PARD3B: variants seen among roughly 807,000 people sequenced by gnomAD.
PARD3B encodes the protein par-3 family cell polarity regulator beta, also known as partitioning defective 3 homolog B.
A neutral mutation model predicts 130.2 loss-of-function variants in PARD3B; 103 were observed. That is an observed-to-expected ratio of 0.79 (90% CI 0.67 to 0.93). The LOEUF is 0.93. Ranked by LOEUF, PARD3B falls within the 40% of genes least tolerant of loss-of-function variation. The probability of loss-of-function intolerance (pLI) is 0.00; values close to 1 mark genes in which losing one functional copy is unlikely to be tolerated. For synonymous variants in PARD3B, 583 were observed against 553.2 expected, an observed-to-expected ratio of 1.05 and a Z score of -0.76; for missense variants, 1,609 against 1,499.2, an observed-to-expected ratio of 1.07 and a Z score of -1.21.
intron 2 of PARD3B, among the ~76,000 whole-genome samples, chr2:204,850,370 A>G (rs1026443635): frequency 1.3e-5 from 2 of 152,140 alleles, no homozygotes. Flanking sequence ...TATTTTGCAG[A>G]AAGTAAACCT....
At position 204,821,321 on chromosome 2, in the gene PARD3B, C is replaced by G. The variant is rs1436374592; in HGVS notation, c.222+135039C>G. 2.0e-5 allele frequency among the ~76,000 whole-genome samples: 3 copies of G among 152,070 alleles called. No individual in the cohort carries two copies. In the South Asian group the frequency reaches 6.2e-4, roughly 32 times the overall value. ...AACCCAAATGTCCAACAATGATAGACTGGATTAAGAAAATGTGGCAAACAT... is the reference window on the plus strand; with the variant it reads ...AACCCAAATGTCCAACAATGATAGAGTGGATTAAGAAAATGTGGCAAACAT... On this transcript the variant is annotated intron_variant, in intron 2 of 22. Coordinates refer to ENST00000406610, the MANE Select transcript of PARD3B (RefSeq NM_001302769.2).
intron 6 of PARD3B, among the ~76,000 whole-genome samples, chr2:205,114,360 A>G (rs548280647): frequency 6.6e-6 from 1 of 152,290 alleles, no homozygotes; most frequent in South Asian, 2.1e-4. Flanking sequence ...CACATTTAGC[A>G]CTAGATTGAT....
intron 3 of PARD3B, among the ~76,000 whole-genome samples, chr2:205,034,160 T>C (rs568019263): frequency 1.3e-5 from 2 of 152,288 alleles, no homozygotes; most frequent in South Asian, 4.1e-4. Flanking sequence ...TTTCATACTC[T>C]AAAGATTACT....
chr2:204,550,975 T>C (rs1322998390), intron 1 of PARD3B, among the ~76,000 whole-genome samples: 3 of 152,238 alleles, frequency 2.0e-5, no homozygotes, highest in African/African-American at 4.8e-5. Flanking sequence ...TGCTTTTCAA[T>C]TGATTGGGCA....
intron 15 of PARD3B, among the ~76,000 whole-genome samples, chr2:205,203,257 G>C (rs1392032848): frequency 6.6e-6 from 1 of 152,040 alleles, no homozygotes; most frequent in African/African-American, 2.4e-5. Flanking sequence ...TTGGTCAATG[G>C]AAAAACTGCC....
intron 3 of PARD3B, among the ~76,000 whole-genome samples, chr2:205,045,128 T>TA (rs1698684897): frequency 6.7e-6 from 1 of 150,014 alleles, no homozygotes; most frequent in South Asian, 2.1e-4. Flanking sequence ...TTTTTTTTTT[T>TA]ATGTTTCAAA....
intron 1 of PARD3B, among the ~76,000 whole-genome samples, chr2:204,656,724 C>A (rs948792349): frequency 6.6e-6 from 1 of 152,136 alleles, no homozygotes; most frequent in Non-Finnish European, 1.5e-5. Context: ...GACCTACCTT[C>A]TACATTCTAA....
intron 6 of PARD3B, among the ~76,000 whole-genome samples, chr2:205,115,120 G>C (rs1703934918): frequency 6.6e-6 from 1 of 152,106 alleles, no homozygotes; most frequent in Admixed American, 6.6e-5. Flanking sequence ...ACAGTCACTA[G>C]ACTTCATTTT....
intron 1 of PARD3B, among the ~76,000 whole-genome samples, chr2:204,566,840 G>A (rs1474083199): frequency 6.6e-6 from 1 of 150,448 alleles, no homozygotes; most frequent in East Asian, 2.0e-4. Context: ...GGCATAAAAA[G>A]TATGTATACC....
At chr2:205,124,684 GC>G (rs760951242) in intron 9 of PARD3B, among the ~76,000 whole-genome samples, 2 of 152,118 alleles carry the variant, frequency 1.3e-5, no homozygotes, top group Non-Finnish European at 2.9e-5. Flanking sequence ...GTGATATGGG[GC>G]CAAATGATAG....
intron 11 of PARD3B, among the ~76,000 whole-genome samples, chr2:205,171,784 A>G (rs2035186565): frequency 6.6e-6 from 1 of 152,226 alleles, no homozygotes; most frequent in African/African-American, 2.4e-5. Flanking sequence ...GCATTTATGC[A>G]TGATGCCTCT....
intron 1 of PARD3B, among the ~76,000 whole-genome samples, chr2:204,625,488 TGA>T (rs1171345945): frequency 2.0e-5 from 3 of 152,208 alleles, no homozygotes; most frequent in African/African-American, 7.2e-5. Context: ...GGATTGTTGT[TGA>T]CTTTGTACAC....
chr2:205,003,855 G>A, intron 3 of PARD3B, among the ~76,000 whole-genome samples: 1 of 152,168 alleles, frequency 6.6e-6, no homozygotes. Flanking sequence ...GTGTGCATCA[G>A]ATCTTCCGCA....
chr2:205,524,584 C>T (rs1360862452), intron 21 of PARD3B, among the ~76,000 whole-genome samples: 17 of 152,184 alleles, frequency 1.1e-4, no homozygotes, highest in Admixed American at 1.0e-3. Flanking sequence ...CACCTTCATA[C>T]TATTGCCCAT....
intron 3 of PARD3B, among the ~76,000 whole-genome samples, chr2:205,037,426 T>C (rs539000668): frequency 7.1e-4 from 105 of 147,618 alleles, no homozygotes; most frequent in African/African-American, 2.5e-3. Context: ...AAAATATATA[T>C]AGTGGACTAT....
At chr2:205,556,107 C>T (rs767046642) in intron 22 of PARD3B, among the ~76,000 whole-genome samples, 4 of 152,110 alleles carry the variant, frequency 2.6e-5, no homozygotes, top group Non-Finnish European at 4.4e-5. Context: ...GAGAGTGAGG[C>T]GAGCACATCT....
At position 204,907,397 on chromosome 2, in the gene PARD3B, T is replaced by C. The variant is rs2047075253; in HGVS notation, c.223-57755T>C. On this transcript the variant is annotated intron_variant, in intron 2 of 22. Coordinates refer to ENST00000406610, the MANE Select transcript of PARD3B (RefSeq NM_001302769.2). The surrounding 1 kb of genome is among the most constrained non-coding windows in gnomAD (Gnocchi z 5.7). ...AAATTTTAGTACACCTTCATTTACATTTCTATTTGAATGTAAATTATATTA... is the reference window on the plus strand; with the variant it reads ...AAATTTTAGTACACCTTCATTTACACTTCTATTTGAATGTAAATTATATTA... 1.3e-5 allele frequency among the ~76,000 whole-genome samples: 2 copies of C among 152,206 alleles called. No homozygotes were observed. The highest frequency in any genetic ancestry group is 2.9e-5 in the Non-Finnish European group (2 of 68,038).
At chr2:204,579,101 G>A (rs1002557921) in intron 1 of PARD3B, among the ~76,000 whole-genome samples, 1 of 151,448 alleles carries the variant, frequency 6.6e-6, no homozygotes, top group African/African-American at 2.4e-5. Context: ...GGCTGGGGGC[G>A]GGGATATGAA....
At chr2:205,510,261 T>C (rs1189356411) in intron 21 of PARD3B, among the ~76,000 whole-genome samples, 1 of 152,330 alleles carries the variant, frequency 6.6e-6, no homozygotes, top group East Asian at 1.9e-4. Flanking sequence ...GAAGTGTCAA[T>C]AAACAAGAAT....
Sources: gnomAD v4.1 joint callset for allele counts (sites outside exome capture counted in the v4.1 genomes callset) on GRCh38, gnomAD v4.1.1 for gene constraint, Gnocchi (gnomAD v3.1) non-coding constraint, MANE v1.5 for transcripts, NCBI Gene and HGNC (gene_info 2026-07-23, HGNC 2026-07-21) for gene names.